The following DRC9 variants were observed in gnomAD, a reference collection of about 807,000 sequenced individuals.
DRC9 encodes dynein regulatory complex subunit 9.
At chr3:197,946,434 C>CAAAA in the DRC9 span, among the ~76,000 whole-genome samples, 25 of 72,502 alleles carry the variant, frequency 3.4e-4, no homozygotes, top group South Asian at 9.6e-4. Flanking sequence ...GACTCCGTCT[C>CAAAA]AAAAAAAAAA....
chr3:197,893,659 C>T, the DRC9 span, among the ~76,000 whole-genome samples: 1 of 148,528 alleles, frequency 6.7e-6, no homozygotes, highest in Non-Finnish European at 1.5e-5. Flanking sequence ...CTGGCTAACA[C>T]GGTGAAACCC....
At chr3:197,938,750 T>C in the DRC9 span, 3 of 1,613,288 alleles carry the variant, frequency 1.9e-6, no homozygotes, top group Non-Finnish European at 2.5e-6. Flanking sequence ...TTGTCTAGAT[T>C]CGTTCCTTCT....
the DRC9 span, chr3:197,939,076 G>C: frequency 3.2e-6 from 1 of 309,528 alleles, no homozygotes; most frequent in Non-Finnish European, 6.0e-6. Flanking sequence ...TTTTTATAAA[G>C]TATCTCCATC....
the DRC9 span, chr3:197,926,171 A>AC: frequency 2.4e-6 from 2 of 849,950 alleles, no homozygotes; most frequent in South Asian, 2.8e-5. Flanking sequence ...CACAAGGACC[A>AC]CCCCGCACAT....
the DRC9 span, chr3:197,914,091 A>G: frequency 2.0e-6 from 3 of 1,506,854 alleles, no homozygotes; most frequent in Admixed American, 5.0e-5. Context: ...TTCTACCTCC[A>G]TTCAGTTCAG....
chr3:197,904,110 A>ATATTTT, the DRC9 span, among the ~76,000 whole-genome samples: 2 of 80,832 alleles, frequency 2.5e-5, no homozygotes, highest in Non-Finnish European at 4.6e-5. Context: ...ATATATATAT[A>ATATTTT]TTTTTTTTTT....
At chr3:197,946,241 C>T in the DRC9 span, among the ~76,000 whole-genome samples, 316 of 152,100 alleles carry the variant, frequency 2.1e-3, no homozygotes, top group African/African-American at 7.4e-3. Flanking sequence ...CGAGACCATC[C>T]TGGCTAACAC....
the DRC9 span, among the ~76,000 whole-genome samples, chr3:197,930,802 G>A: frequency 2.6e-5 from 4 of 151,452 alleles, no homozygotes; most frequent in Non-Finnish European, 2.9e-5. Flanking sequence ...TTGGGAGGCC[G>A]AGGTGGGCGG....
At chr3:197,920,912 T>C in the DRC9 span, among the ~76,000 whole-genome samples, 4,077 of 152,272 alleles carry the variant, frequency 0.027, 216 homozygotes, top group African/African-American at 0.094. Flanking sequence ...ACCAACACTT[T>C]CATATACAAA....
chr3:197,926,490 T>C, the DRC9 span, among the ~76,000 whole-genome samples: 1 of 152,152 alleles, frequency 6.6e-6, no homozygotes. Context: ...ACCCTCACAA[T>C]AGCCTGATTT....
chr3:197,904,914 A>G, the DRC9 span, among the ~76,000 whole-genome samples: 1 of 152,204 alleles, frequency 6.6e-6, no homozygotes, highest in Admixed American at 6.5e-5. Context: ...TCGGCCCAGA[A>G]TGAGATTGTG....
At chr3:197,946,359 TG>T in the DRC9 span, among the ~76,000 whole-genome samples, 1 of 135,262 alleles carries the variant, frequency 7.4e-6, no homozygotes, top group East Asian at 2.2e-4. Context: ...GGCGTGAACC[TG>T]GGAGGCAGAG....
chr3:197,919,741 G>A, the DRC9 span, among the ~76,000 whole-genome samples: 2 of 152,164 alleles, frequency 1.3e-5, no homozygotes, highest in African/African-American at 4.8e-5. Flanking sequence ...TGTACATAAA[G>A]TACAGAACGG....
At chr3:197,922,462 T>C in the DRC9 span, among the ~76,000 whole-genome samples, 1 of 152,120 alleles carries the variant, frequency 6.6e-6, no homozygotes, top group Non-Finnish European at 1.5e-5. Flanking sequence ...TCTCAGCACT[T>C]TGGGAGGCCG....
At chr3:197,941,169 C>T in the DRC9 span, among the ~76,000 whole-genome samples, 91 of 130,040 alleles carry the variant, frequency 7.0e-4, no homozygotes, top group South Asian at 1.9e-3. Flanking sequence ...CTTCCTCTCT[C>T]TCCTCTCTCT....
chr3:197,925,583 TTC>T, the DRC9 span, among the ~76,000 whole-genome samples: 2 of 115,538 alleles, frequency 1.7e-5, no homozygotes, highest in African/African-American at 8.2e-5. Context: ...TCTTTATATC[TTC>T]TGTTTTTTTT....
the DRC9 span, chr3:197,959,970 C>G: frequency 5.5e-6 from 3 of 541,190 alleles, no homozygotes; most frequent in Non-Finnish European, 6.6e-6. Flanking sequence ...CTCAAGACAC[C>G]CACATACGGC....
the DRC9 span, among the ~76,000 whole-genome samples, chr3:197,948,517 T>C: frequency 2.2e-4 from 33 of 152,350 alleles, no homozygotes; most frequent in South Asian, 6.6e-3. Flanking sequence ...TCAATAAGTA[T>C]TTGTGGAACG....
the DRC9 span, chr3:197,932,178 C>G: frequency 6.2e-7 from 1 of 1,611,714 alleles, no homozygotes; most frequent in Non-Finnish European, 8.5e-7. Flanking sequence ...TCTGACCTGG[C>G]AATGATGTCA....
Sources: gnomAD v4.1 joint callset for allele counts (sites outside exome capture counted in the v4.1 genomes callset) on GRCh38, gnomAD v4.1.1 for gene constraint, MANE v1.5 for transcripts, NCBI Gene and HGNC (gene_info 2026-07-23, HGNC 2026-07-21) for gene names.